The following LRRC1 variants were observed in gnomAD, a reference collection of about 807,000 sequenced individuals.
LRRC1 encodes leucine rich repeat containing 1.
A neutral mutation model predicts 69.9 loss-of-function variants in LRRC1; 28 were observed. The observed-to-expected ratio is 0.40, with a 90% CI of 0.30 to 0.55. The LOEUF (loss-of-function observed/expected upper bound fraction) is 0.55. Among genes scored for constraint, LRRC1 ranks in the 20% least tolerant of loss-of-function variants. The pLI is 0.47. For missense variants in LRRC1, 498 were observed against 609.0 expected (o/e 0.82, Z 1.92); for synonymous variants, 236 against 240.2 (o/e 0.98, Z 0.16).
chr6:53,845,223 C>T (rs1367556200), intron 2 of LRRC1, among the ~76,000 whole-genome samples: 4 of 152,050 alleles, frequency 2.6e-5, no homozygotes, highest in African/African-American at 4.8e-5. Flanking sequence ...AAAGAAAGAA[C>T]GAATCTGTGC....
intron 1 of LRRC1, among the ~76,000 whole-genome samples, chr6:53,829,320 T>C (rs1406379979): frequency 6.6e-6 from 1 of 152,254 alleles, no homozygotes; most frequent in African/African-American, 2.4e-5. Flanking sequence ...ATTATGTATG[T>C]AGAGTGCCTG....
chr6:53,892,076 A>T (rs972482465), intron 4 of LRRC1, among the ~76,000 whole-genome samples: 1 of 151,932 alleles, frequency 6.6e-6, no homozygotes. Context: ...ATGTATATAC[A>T]TAAATATATT....
chr6:53,821,869 A>G (rs1765124131), intron 1 of LRRC1, among the ~76,000 whole-genome samples: 1 of 105,082 alleles, frequency 9.5e-6, no homozygotes, highest in African/African-American at 3.6e-5. Context: ...TTCTAATGCT[A>G]GTAATGCTAG....
In LRRC1 at chr6:53,900,031, T is replaced by TTTTTG. The variant is rs1554186155; in HGVS notation, c.787+144_787+145insGTTTT. 256 of 202,266 alleles carry TTTTTG rather than the reference T, an allele frequency of 1.3e-3. 5 individuals are homozygous for TTTTTG. The African/African-American group carries it at 0.017, about 14-fold the overall frequency. 12.5% of individuals were successfully genotyped at this position (202,266 alleles called of 1,614,324 possible). On this transcript the variant is annotated intron_variant, in intron 8 of 13. Coordinates refer to ENST00000370888, the MANE Select transcript of LRRC1 (RefSeq NM_018214.5). Reference sequence around the variant, plus strand: ...AAAGTCTCCTTACTGTTTTTTTTTTTTTTTTTTTTTTTTTTTTTTTTTCTG... The same window carrying TTTTTG: ...AAAGTCTCCTTACTGTTTTTTTTTTTTTTTGTTTTTTTTTTTTTTTTTTTTTTCTG...
At chr6:53,823,213 T>C (rs1375794999) in intron 1 of LRRC1, among the ~76,000 whole-genome samples, 1 of 152,208 alleles carries the variant, frequency 6.6e-6, no homozygotes, top group Non-Finnish European at 1.5e-5. Context: ...GAAAATAAGC[T>C]CCTATTAGTA....
chr6:53,840,882 G>GTT (rs1361760113), intron 1 of LRRC1, among the ~76,000 whole-genome samples: 3 of 132,380 alleles, frequency 2.3e-5, no homozygotes, highest in Admixed American at 8.4e-5. Context: ...GGGGGTATGT[G>GTT]TTTGTGTGTG....
chr6:53,847,291 AT>A (rs1356286071), intron 2 of LRRC1, among the ~76,000 whole-genome samples: 1 of 152,204 alleles, frequency 6.6e-6, no homozygotes, highest in Non-Finnish European at 1.5e-5. Flanking sequence ...TCTCATCCAA[AT>A]TTTAAAAGTC....
chr6:53,893,745 G>C (rs1479544357), intron 4 of LRRC1, among the ~76,000 whole-genome samples: 1 of 152,058 alleles, frequency 6.6e-6, no homozygotes, highest in East Asian at 1.9e-4. Context: ...ATTTTTTGTT[G>C]TTGATGTATC....
intron 1 of LRRC1, among the ~76,000 whole-genome samples, chr6:53,833,298 A>G (rs1460819075): frequency 6.6e-6 from 1 of 152,206 alleles, no homozygotes; most frequent in Non-Finnish European, 1.5e-5. Context: ...CAATACAGAA[A>G]ACATGCCTGG....
At chr6:53,906,156 C>A (rs1373316832) in intron 10 of LRRC1, among the ~76,000 whole-genome samples, 1 of 152,124 alleles carries the variant, frequency 6.6e-6, no homozygotes, top group African/African-American at 2.4e-5. Flanking sequence ...ATGATAATTT[C>A]TTCATTTTAC....
At chr6:53,840,026 A>G (rs1482564086) in intron 1 of LRRC1, among the ~76,000 whole-genome samples, 1 of 152,170 alleles carries the variant, frequency 6.6e-6, no homozygotes, top group Non-Finnish European at 1.5e-5. Context: ...CTGATATTCA[A>G]GCAACATTTT....
chr6:53,847,896 T>C (rs1765999055), intron 2 of LRRC1, among the ~76,000 whole-genome samples: 1 of 152,236 alleles, frequency 6.6e-6, no homozygotes, highest in Non-Finnish European at 1.5e-5. Flanking sequence ...TAACCTTTTT[T>C]GTTTGTTTGT....
In LRRC1 at chr6:53,844,578, C is replaced by T. The variant is rs537767083; in HGVS notation, c.277+2351C>T. 1.5e-4 allele frequency among the ~76,000 whole-genome samples: 23 copies of T among 152,328 alleles called. 1 individual carries two copies. In the South Asian group the frequency reaches 4.4e-3, roughly 29 times the overall value. On this transcript the variant is annotated intron_variant, in intron 2 of 13. Transcript: ENST00000370888. ...CCTTCCAGCACGTTGATAAAAGAAA[C>T]TAGGCTTTCACTGAAGACAGTATCA...
At chr6:53,817,018 C>G (rs1764970202) in intron 1 of LRRC1, among the ~76,000 whole-genome samples, 1 of 152,140 alleles carries the variant, frequency 6.6e-6, no homozygotes, top group Non-Finnish European at 1.5e-5. Context: ...GATATTGATG[C>G]CCTTTTAAGA....
intron 2 of LRRC1, among the ~76,000 whole-genome samples, chr6:53,848,053 C>T (rs996745920): frequency 6.6e-6 from 1 of 152,130 alleles, no homozygotes; most frequent in East Asian, 1.9e-4. Context: ...AGCAAACTGC[C>T]CCAGTGGCTG....
Position 53,898,897 on chromosome 6 carries a change from T to A in LRRC1, c.643-850T>A, listed in dbSNP as rs575344177. On this transcript the variant is annotated intron_variant, in intron 7 of 13. Coordinates refer to ENST00000370888, the MANE Select transcript of LRRC1 (RefSeq NM_018214.5). ...AGACATCAGGGAGCCACAAGATGTT[T>A]TTTGAAAAGAAGGTGGTCCAATTAT... Among the ~76,000 whole-genome samples the A allele has an allele frequency of 4.7e-4, 71 of 152,280 alleles. 2 individuals are homozygous for A. Among genetic ancestry groups the A allele is most frequent in the African/African-American group, 1.6e-3 (66 of 41,546 alleles).
intron 13 of LRRC1, among the ~76,000 whole-genome samples, 158 bp from the exon 14 acceptor site, chr6:53,922,477 T>C: frequency 6.6e-6 from 1 of 152,234 alleles, no homozygotes. Flanking sequence ...CAGTGGGCAG[T>C]TGATGAATGC....
At chr6:53,894,254 C>T (rs1387252475) in intron 4 of LRRC1, among the ~76,000 whole-genome samples, 2 of 152,174 alleles carry the variant, frequency 1.3e-5, no homozygotes, top group Non-Finnish European at 2.9e-5. Context: ...GTAGCATCAT[C>T]AACTTGCTGG....
intron 4 of LRRC1, among the ~76,000 whole-genome samples, chr6:53,893,344 C>A (rs1767764392): frequency 6.6e-6 from 1 of 152,140 alleles, no homozygotes; most frequent in African/African-American, 2.4e-5. Flanking sequence ...CAAGCCTGGG[C>A]CCCAGGCCTC....
Sources: allele counts gnomAD v4.1 joint callset (sites outside exome capture counted in the v4.1 genomes callset), GRCh38; gene constraint gnomAD v4.1.1; transcripts MANE v1.5; gene names NCBI Gene and HGNC (gene_info 2026-07-23, HGNC 2026-07-21).